The following MYH2 variants were observed in gnomAD, a reference collection of about 807,000 sequenced individuals.
The protein encoded by MYH2 is myosin heavy chain 2.
MYH2 carries 139 observed loss-of-function variants against 228.1 expected under a neutral mutation model. That is an observed-to-expected ratio of 0.61 (90% CI 0.53 to 0.70). The LOEUF (loss-of-function observed/expected upper bound fraction) is 0.70. Ranked by LOEUF, MYH2 falls within the 30% of genes least tolerant of loss-of-function variation. The pLI is 0.00. For synonymous variants in MYH2, 796 were observed against 871.1 expected (o/e 0.91, Z 1.52); for missense variants, 1,809 against 2,357.5 (o/e 0.77, Z 4.82).
In MYH2 at chr17:10,525,004, T is replaced by G. The variant is rs113713308; in HGVS notation, c.4724A>C (p.Lys1575Thr). ...LRIQLELNQV[K>T]SEVDRKIAEK... ...AGCAATTTTCCTATCAACCTCAGAC[T>G]TGACTTGGTTCAACTCAAGCTGGAT... The change falls in exon 34 of 40, where the codon AAG (lysine) becomes ACG (threonine). Residue 1575 changes from lysine (K) to threonine (T), a missense_variant. Lys to Thr is a moderately conservative substitution (Grantham distance 78). Around this residue, in one of 9 missense-constraint regions of MYH2, gnomAD observed 636 missense variants for 729.9 expected, o/e 0.87. Transcript: ENST00000245503. This position sits in a 1 kb window ranked among gnomAD's most constrained non-coding sequence, Gnocchi z 4.2. The G allele has an allele frequency of 1.3e-5, 21 of 1,614,054 alleles. No homozygotes were observed. In the Admixed American group the frequency reaches 3.2e-4, roughly 24 times the overall value.
Position 10,537,653 on chromosome 17 carries a change from T to G in MYH2, c.1587+12A>C. 1 of 1,614,154 alleles carries G rather than the reference T, an allele frequency of 6.2e-7. No homozygotes were observed. Among genetic ancestry groups the G allele is most frequent in the Non-Finnish European group, 8.5e-7 (1 of 1,180,024 alleles). ...TTGCCGCAAAATATGGTTTCAGAAA[T>G]GCAAAACCAACCTTCTCGATGAGCT... On this transcript the variant is annotated intron_variant, in intron 15 of 39. Transcript: ENST00000245503. The surrounding 1 kb of genome is among the most constrained non-coding windows in gnomAD (Gnocchi z 4.0).
chr17:10,525,912 C>A lies in MYH2; in HGVS notation c.4188-36G>T, dbSNP rs368562783. The A allele has an allele frequency of 3.7e-6, 6 of 1,605,088 alleles. No individual in the cohort carries two copies. The highest frequency in any genetic ancestry group is 5.1e-6 in the Non-Finnish European group (6 of 1,172,782). ...ATACATGTTTTCAGAGAGAAGTGAA[C>A]CATAATATGAATTATGAGCTATTGC... On this transcript the variant is annotated intron_variant, in intron 30 of 39. Transcript: ENST00000245503. The surrounding 1 kb of genome is among the most constrained non-coding windows in gnomAD (Gnocchi z 4.2).
In MYH2 at chr17:10,533,533, G is replaced by T. The variant is rs891954130; in HGVS notation, c.2280C>A (p.Thr760=). Residue 760 remains threonine, a synonymous_variant, in exon 20 of 40, where the codon ACC becomes ACA. Coordinates refer to ENST00000245503, the MANE Select transcript of MYH2 (RefSeq NM_017534.6). ...KLLASIDIDH[T]QYKFGHTKVF... is the part of the protein sequence containing the mutation. Reference sequence around the variant, plus strand: ...CCTTGGTGTGCCCAAATTTATACTGGGTGTGGTCAATGTCGATGGATGCAA... The same window carrying T: ...CCTTGGTGTGCCCAAATTTATACTGTGTGTGGTCAATGTCGATGGATGCAA... The T allele has an allele frequency of 5.6e-6, 9 of 1,614,134 alleles. No individual in the cohort carries two copies. The highest frequency in any genetic ancestry group is 1.7e-4 in the Middle Eastern group (1 of 6,060).
chr17:10,547,586 G>A lies in MYH2; in HGVS notation c.237C>T (p.Pro79=). 1 of 1,614,158 alleles carries A rather than the reference G, an allele frequency of 6.2e-7. No individual in the cohort carries two copies. Among genetic ancestry groups the A allele is most frequent in the Non-Finnish European group, 8.5e-7 (1 of 1,180,028 alleles). ...TLTVKDDQVF[P]MNPPKYDKIE... is the part of the protein sequence containing the mutation. ...TCTTGTCATATTTGGGAGGGTTCAT[G>A]GGGAAGACCTGATCATCCTTCACTG... The change falls in exon 4 of 40, where the codon CCC becomes CCT. Residue 79 remains proline (P), a synonymous_variant. Coordinates refer to ENST00000245503, the MANE Select transcript of MYH2 (RefSeq NM_017534.6).
chr17:10,541,492 A>T (rs188542420), intron 10 of MYH2, among the ~76,000 whole-genome samples: 35 of 152,300 alleles, frequency 2.3e-4, no homozygotes, highest in African/African-American at 8.4e-4. Context: ...CTGCCTCCTG[A>T]TAAGATGTTA....
intron 4 of MYH2, among the ~76,000 whole-genome samples, chr17:10,546,875 T>A (rs749336713): frequency 2.9e-4 from 44 of 149,816 alleles, no homozygotes; most frequent in Non-Finnish European, 4.9e-4. Context: ...AGCCCAGGAG[T>A]TCGAGACCAG....
At chr17:10,547,388 C>T in intron 4 of MYH2, 87 bp downstream of exon 4, 1 of 1,511,142 alleles carries the variant, frequency 6.6e-7, no homozygotes, top group Non-Finnish European at 9.2e-7. Context: ...TGGGTCACTA[C>T]CTGTGACCTA....
intron 5 of MYH2, among the ~76,000 whole-genome samples, chr17:10,545,014 A>AGTGTGAGTGTGTGTGT (rs2073608503): frequency 6.6e-6 from 1 of 150,428 alleles, no homozygotes; most frequent in Non-Finnish European, 1.5e-5. Flanking sequence ...TGCGTGCATG[A>AGTGTGAGTGTGTGTGT]GTGTGTGTGT....
chr17:10,533,626 C>T lies in MYH2; in HGVS notation c.2187G>A (p.Lys729=). 6.2e-7 allele frequency: 1 copy of T among 1,614,018 alleles called. No individual in the cohort carries two copies. Among genetic ancestry groups the T allele is most frequent in the East Asian group, 2.2e-5 (1 of 44,880 alleles). The change falls in exon 20 of 40, where the codon AAG becomes AAA. Residue 729 remains lysine (K), a synonymous_variant. Transcript: ENST00000245503. ...ILYADFKQRY[K]VLNASAIPEG... The stretch of plus-strand genomic sequence containing the variant: ...CAGGGATTGCACTTGCATTTAATAC[C>T]TTGTATCTGTTGAAGTACATATAGC...
chr17:10,539,489 G>A lies in MYH2; in HGVS notation c.1221C>T (p.Val407=), dbSNP rs1249515219. The change falls in exon 13 of 40, where the codon GTC becomes GTT. Residue 407 remains valine, a synonymous_variant. Transcript: ENST00000245503. ...TGGTGACATACTCATTGCCGACCTT[G>A]ACCCTGGGGTAGCAGAGAGCTTTGA... is the stretch of plus-strand genomic sequence containing the variant. ...DLLKALCYPR[V]KVGNEYVTKG... 6.2e-7 allele frequency: 1 copy of A among 1,614,050 alleles called. No individual in the cohort carries two copies. Among genetic ancestry groups the A allele is most frequent in the Non-Finnish European group, 8.5e-7 (1 of 1,180,048 alleles).
rs751311345 is a variant in MYH2, at chr17:10,529,830, A to G, written c.2940+2T>C. On this transcript the variant is annotated splice_donor_variant, in intron 23 of 39. Transcript: ENST00000245503. LOFTEE classifies it high-confidence loss of function. ...TACAGTACTGTAGAATATGATTGAT[A>G]CCTTGTTTTCTGTGGCATGTTTCTC... 1 of 1,613,880 alleles carries G rather than the reference A, an allele frequency of 6.2e-7. No individual in the cohort carries two copies. The highest frequency in any genetic ancestry group is 1.1e-5 in the South Asian group (1 of 91,062).
In MYH2 at chr17:10,531,766, A is replaced by G; in HGVS notation, c.2564T>C (p.Met855Thr). ...CTGAAATTCTTCCTTCATGGTGGCCATCTCCTTCTCAGTTTCTGCACTCTT... is the reference window on the plus strand; with the variant it reads ...CTGAAATTCTTCCTTCATGGTGGCCGTCTCCTTCTCAGTTTCTGCACTCTT... ...LLKSAETEKE[M>T]ATMKEEFQKI... Residue 855 changes from methionine (M) to threonine (T), a missense_variant, in exon 22 of 40, where the codon ATG (methionine) becomes ACG (threonine). Physicochemically the swap from Met to Thr is moderately conservative, Grantham distance 81 (BLOSUM62 -1). This residue lies in a region of MYH2 where 276 missense variants were observed against 344.2 expected (regional missense o/e 0.80). Transcript: ENST00000245503. 1.2e-6 allele frequency: 2 copies of G among 1,614,178 alleles called. No individual in the cohort carries two copies. The highest frequency in any genetic ancestry group is 1.7e-6 in the Non-Finnish European group (2 of 1,180,034).
rs1177012967 is a variant in MYH2, at chr17:10,523,149, C to T, written c.5614G>A (p.Asp1872Asn). ...EDRKNILRLQ[D>N]LVDKLQAKVK... ...TTTGCCTGAAGTTTATCTACCAAAT[C>T]TTGAAGCCTGAGAATATTCTTTCTA... is the stretch of plus-strand genomic sequence containing the variant. Residue 1872 changes from aspartate to asparagine, a missense_variant, in exon 39 of 40, where the codon GAT (aspartate) becomes AAT (asparagine). Asp to Asn is a conservative substitution (Grantham distance 23, BLOSUM62 1). This residue lies in a region of MYH2 where 278 missense variants were observed against 308.5 expected (regional missense o/e 0.90). Coordinates refer to ENST00000245503, the MANE Select transcript of MYH2 (RefSeq NM_017534.6). 6.2e-7 allele frequency: 1 copy of T among 1,614,066 alleles called. No homozygotes were observed. The highest frequency in any genetic ancestry group is 1.1e-5 in the South Asian group (1 of 91,076).
Position 10,523,557 on chromosome 17 carries a change from T to C in MYH2, c.5411A>G (p.Asp1804Gly). Residue 1804 changes from aspartate (D) to glycine (G), a missense_variant, in exon 37 of 40, where the codon GAT (aspartate) becomes GGT (glycine). Transcript: ENST00000245503. Reference protein sequence around the residue: ...QTVKDLQLRLDEAEQLALKGG... With the variant: ...QTVKDLQLRLGEAEQLALKGG... ...CTTCAGGGCCAGCTGCTCAGCCTCA[T>C]CCAGACGGAGCTGCAGATCCTTCAC... 6.2e-7 allele frequency: 1 copy of C among 1,614,204 alleles called. No homozygotes were observed. Among genetic ancestry groups the C allele is most frequent in the Non-Finnish European group, 8.5e-7 (1 of 1,180,038 alleles).
chr17:10,540,556 C>T (rs2073539149), intron 11 of MYH2, 38 bp downstream of exon 11: 1 of 1,492,402 alleles, frequency 6.7e-7, no homozygotes, highest in Non-Finnish European at 9.3e-7. Context: ...TTACTCTGAC[C>T]CACCATAATA....
chr17:10,541,934 C>T (rs1404601386), intron 10 of MYH2, among the ~76,000 whole-genome samples: 1 of 152,108 alleles, frequency 6.6e-6, no homozygotes, highest in Admixed American at 6.5e-5. Flanking sequence ...GGCACCATCG[C>T]AAACACCTTG....
chr17:10,547,343 G>A (rs1597459354), intron 4 of MYH2, 132 bp downstream of exon 4: 6 of 1,199,538 alleles, frequency 5.0e-6, no homozygotes, highest in East Asian at 4.7e-5. Flanking sequence ...CAATCATGAA[G>A]CCTTTTAACT....
intron 19 of MYH2, among the ~76,000 whole-genome samples, chr17:10,534,347 T>G (rs935230359): frequency 6.6e-6 from 1 of 151,946 alleles, no homozygotes; most frequent in African/African-American, 2.4e-5. Context: ...TATGGAAGAG[T>G]TTCTAACTCA....
intron 2 of MYH2, among the ~76,000 whole-genome samples, chr17:10,548,200 T>C (rs62060669): frequency 1.3e-5 from 2 of 152,164 alleles, no homozygotes; most frequent in African/African-American, 4.8e-5. Context: ...CATTGGGAAC[T>C]GAATTACAGT....
Sources: allele counts gnomAD v4.1 joint callset (sites outside exome capture counted in the v4.1 genomes callset), GRCh38; gene constraint gnomAD v4.1.1; regional missense constraint gnomAD v4.1.1; non-coding constraint Gnocchi (gnomAD v3.1); transcripts MANE v1.5; gene names NCBI Gene and HGNC (gene_info 2026-07-23, HGNC 2026-07-21).